The following CAMK2G variants were observed in gnomAD, a reference collection of about 807,000 sequenced individuals.
The protein encoded by CAMK2G is calcium/calmodulin dependent protein kinase II gamma, also known as calcium/calmodulin-dependent protein kinase type II subunit gamma.
A neutral mutation model predicts 88.7 loss-of-function variants in CAMK2G; 23 were observed. The observed-to-expected ratio is 0.26, with a 90% CI of 0.19 to 0.37. The LOEUF is 0.37. CAMK2G is among the 10% of genes least tolerant of loss of function. The pLI is 1.00. For missense variants in CAMK2G, 476 were observed against 780.8 expected (o/e 0.61, Z 4.65); for synonymous variants, 263 against 294.8 (o/e 0.89, Z 1.11).
intron 17 of CAMK2G, among the ~76,000 whole-genome samples, chr10:73,822,260 C>G (rs2089173806): frequency 6.6e-6 from 1 of 152,142 alleles, no homozygotes; most frequent in Non-Finnish European, 1.5e-5. Flanking sequence ...CTCTGCCTCC[C>G]GGGTTCAAGT....
chr10:73,847,829 G>A (rs994939591), intron 9 of CAMK2G, among the ~76,000 whole-genome samples, 159 bp downstream of exon 9: 4 of 152,016 alleles, frequency 2.6e-5, no homozygotes, highest in African/African-American at 4.8e-5. Flanking sequence ...ACATAGAGTG[G>A]CAAGAATTGG....
Position 73,845,484 on chromosome 10 carries a change from A to G in CAMK2G, c.819+1741T>C, listed in dbSNP as rs536991330. Among the ~76,000 whole-genome samples, 76 of 151,750 alleles carry G rather than the reference A, an allele frequency of 5.0e-4. 1 individual carries two copies. Among genetic ancestry groups the G allele is most frequent in the Middle Eastern group, 3.4e-3 (1 of 294 alleles). On this transcript the variant is annotated intron_variant, in intron 10 of 22. Coordinates refer to ENST00000423381, the MANE Select transcript of CAMK2G (RefSeq NM_001367534.1). ...GTAGTCCCAGCTACTCGGGAGGCTG[A>G]GGCAGGAGAATGGCATGAACCCGGG...
At position 73,838,792 on chromosome 10, in the gene CAMK2G, AG is replaced by A. The variant is rs570249341; in HGVS notation, c.1009+746del. On this transcript the variant is annotated intron_variant, in intron 13 of 22. Transcript: ENST00000423381. ...CAGCTCTCAACGCTGGTTGCCCACT[AG>A]GATCACCTGGGAGCTTAAAAAAAGC... is the stretch of plus-strand genomic sequence containing the variant. Among the ~76,000 whole-genome samples the A allele has an allele frequency of 6.6e-5, 10 of 152,310 alleles. No individual in the cohort carries two copies. In the South Asian group the frequency reaches 8.3e-4, roughly 13 times the overall value.
chr10:73,834,758 A>G (rs1266177142), intron 14 of CAMK2G, among the ~76,000 whole-genome samples: 1 of 152,194 alleles, frequency 6.6e-6, no homozygotes, highest in African/African-American at 2.4e-5. Flanking sequence ...CTGGATGTGC[A>G]TGGTTTGAGC....
At chr10:73,835,010 A>G (rs2093023508) in intron 14 of CAMK2G, among the ~76,000 whole-genome samples, 1 of 152,048 alleles carries the variant, frequency 6.6e-6, no homozygotes, top group Non-Finnish European at 1.5e-5. Flanking sequence ...GTATCTTCAC[A>G]TGCGCTCTTC....
At chr10:73,864,691 G>A (rs2095518358) in intron 2 of CAMK2G, among the ~76,000 whole-genome samples, 2 of 152,096 alleles carry the variant, frequency 1.3e-5, no homozygotes. Flanking sequence ...TGCCCAGGCT[G>A]GAGTGCAGTG....
At chr10:73,868,968 C>T (rs1413218661) in intron 2 of CAMK2G, among the ~76,000 whole-genome samples, 1 of 152,202 alleles carries the variant, frequency 6.6e-6, no homozygotes, top group East Asian at 1.9e-4. Flanking sequence ...AGGCCCAGAA[C>T]GAGGCCCCTA....
chr10:73,838,423 T>C (rs1299456272), intron 13 of CAMK2G, among the ~76,000 whole-genome samples: 1 of 152,180 alleles, frequency 6.6e-6, no homozygotes, highest in Non-Finnish European at 1.5e-5. Context: ...TCTTTATCTA[T>C]AAAATGGGAT....
At chr10:73,864,932 C>CTT (rs2095531358) in intron 2 of CAMK2G, among the ~76,000 whole-genome samples, 1 of 152,134 alleles carries the variant, frequency 6.6e-6, no homozygotes, top group Non-Finnish European at 1.5e-5. Flanking sequence ...GCGTGAGCCA[C>CTT]GGCACCCGGC....
chr10:73,862,658 C>G (rs1036873958), intron 2 of CAMK2G, among the ~76,000 whole-genome samples: 1 of 152,198 alleles, frequency 6.6e-6, no homozygotes, highest in African/African-American at 2.4e-5. Flanking sequence ...TGCAGGTGGT[C>G]TGAGCCTAGA....
intron 15 of CAMK2G, among the ~76,000 whole-genome samples, chr10:73,827,520 CTGCTGTGT>C (rs1310599177): frequency 6.6e-6 from 1 of 152,200 alleles, no homozygotes; most frequent in Non-Finnish European, 1.5e-5. Flanking sequence ...ATGACTCAGG[CTGCTGTGT>C]TGCCCTTGGT....
intron 9 of CAMK2G, 30 bp downstream of exon 9, chr10:73,847,958 G>C: frequency 2.2e-6 from 3 of 1,372,306 alleles, no homozygotes; most frequent in Non-Finnish European, 3.1e-6. Context: ...TGCCCTTCCT[G>C]GCCTGGCTGC....
intron 21 of CAMK2G, chr10:73,816,105 A>G (rs765125017): frequency 3.4e-4 from 333 of 985,466 alleles, no homozygotes; most frequent in Non-Finnish European, 3.8e-4. Flanking sequence ...GGCCCAGCAT[A>G]AAGTGGGAAG....
chr10:73,842,381 C>T lies in CAMK2G; in HGVS notation c.903+77G>A. The T allele has an allele frequency of 7.9e-7, 1 of 1,265,368 alleles. No individual in the cohort carries two copies. The allele number at this position is 1,265,368 out of a possible 1,614,324, so 78.4% of individuals were successfully genotyped here. On this transcript the variant is annotated intron_variant, in intron 11 of 22. Transcript: ENST00000423381. This position sits in a 1 kb window ranked among gnomAD's most constrained non-coding sequence, Gnocchi z 4.6. ...CAGCTCCAGCCAGGAGGGGAGCTTC[C>T]TTCTGAAATGGGGCAGGAGCCACAC...
intron 15 of CAMK2G, among the ~76,000 whole-genome samples, chr10:73,827,470 C>T (rs375210885): frequency 6.6e-5 from 10 of 152,298 alleles, no homozygotes; most frequent in East Asian, 3.9e-4. Flanking sequence ...TGAGCCATCG[C>T]GCCCGGCCCC....
At position 73,854,219 on chromosome 10, in the gene CAMK2G, A is replaced by G. The variant is rs574877254; in HGVS notation, c.221-973T>C. On this transcript the variant is annotated intron_variant, in intron 3 of 22. Transcript: ENST00000423381. Reference sequence around the variant, plus strand: ...ATGTCCCTAAAGCAGCATCGCAGACAGGTCCGGGAGGGTGCCACTGGAAGA... The same window carrying G: ...ATGTCCCTAAAGCAGCATCGCAGACGGGTCCGGGAGGGTGCCACTGGAAGA... 1.2e-4 allele frequency among the ~76,000 whole-genome samples: 19 copies of G among 152,346 alleles called. No homozygotes were observed. The East Asian group carries it at 3.7e-3, about 29-fold the overall frequency.
At chr10:73,866,397 G>A (rs2095594365) in intron 2 of CAMK2G, among the ~76,000 whole-genome samples, 1 of 152,132 alleles carries the variant, frequency 6.6e-6, no homozygotes, top group African/African-American at 2.4e-5. Flanking sequence ...AGGGGGCCAG[G>A]GAGGGCTGGC....
chr10:73,850,430 C>A (rs559671254), intron 5 of CAMK2G, among the ~76,000 whole-genome samples: 5 of 152,358 alleles, frequency 3.3e-5, no homozygotes, highest in African/African-American at 1.2e-4. Flanking sequence ...CCGCCCCCCC[C>A]CACCGCAGGG....
At chr10:73,859,474 G>A (rs973218406) in intron 3 of CAMK2G, among the ~76,000 whole-genome samples, 1 of 152,198 alleles carries the variant, frequency 6.6e-6, no homozygotes, top group Admixed American at 6.5e-5. Flanking sequence ...CCTAATCTGT[G>A]ACTGCTGTTC....
Sources: gnomAD v4.1 joint callset for allele counts (sites outside exome capture counted in the v4.1 genomes callset) on GRCh38, gnomAD v4.1.1 for gene constraint, Gnocchi (gnomAD v3.1) non-coding constraint, MANE v1.5 for transcripts, NCBI Gene and HGNC (gene_info 2026-07-23, HGNC 2026-07-21) for gene names.